Variants in ZNF362 observed in about 807,000 individuals in gnomAD.
The protein encoded by ZNF362 is zinc finger protein 362.
Under a neutral mutation model 42.9 loss-of-function variants are expected in ZNF362, and 11 were observed. The observed-to-expected ratio is 0.26, with a 90% CI of 0.16 to 0.42. ZNF362 has a LOEUF of 0.42. Among genes scored for constraint, ZNF362 ranks in the 20% least tolerant of loss-of-function variants. ZNF362 has a pLI of 1.00. For missense variants in ZNF362, 362 were observed against 576.2 expected, an observed-to-expected ratio of 0.63 and a Z score of 3.81; for synonymous variants, 255 against 257.3, an observed-to-expected ratio of 0.99 and a Z score of 0.09.
At chr1:33,291,659 A>G (rs1385504102) in intron 6 of ZNF362, among the ~76,000 whole-genome samples, 2 of 152,192 alleles carry the variant, frequency 1.3e-5, no homozygotes, top group African/African-American at 2.4e-5. Context: ...CTTGGGCAGT[A>G]TGGCCATTTT....
chr1:33,178,105 T>C, the ZNF362 span, among the ~76,000 whole-genome samples: 1 of 152,160 alleles, frequency 6.6e-6, no homozygotes, highest in African/African-American at 2.4e-5. Flanking sequence ...CAGCTGAGTA[T>C]AGGCCCAGCT....
At chr1:33,159,874 C>T in the ZNF362 span, 15 of 1,612,216 alleles carry the variant, frequency 9.3e-6, no homozygotes, top group Middle Eastern at 1.6e-4. This position sits in a 1 kb window ranked among gnomAD's most constrained non-coding sequence, Gnocchi z 4.2. Context: ...GGCCTTCTGG[C>T]GTTCACGCAG....
At chr1:33,149,463 A>C in the ZNF362 span, among the ~76,000 whole-genome samples, 1 of 150,896 alleles carries the variant, frequency 6.6e-6, no homozygotes, top group Non-Finnish European at 1.5e-5. Flanking sequence ...TCTTTTAAAA[A>C]AAAAAAATAC....
chr1:33,289,126 G>A lies in ZNF362; in HGVS notation c.909-5811G>A, dbSNP rs151285764. ...GAGGGAAGTAGGAGGTGGAGGTTGC[G>A]GGGGATCATCTGGGTTGAGTACAGA... On this transcript the variant is annotated intron_variant, in intron 6 of 8. Transcript: ENST00000539719. Among the ~76,000 whole-genome samples the A allele has an allele frequency of 5.3e-3, 809 of 152,216 alleles. 11 individuals carry two copies. The highest frequency in any genetic ancestry group is 0.016 in the South Asian group (79 of 4,826).
chr1:33,267,460 A>G (rs1645872413), intron 1 of ZNF362, among the ~76,000 whole-genome samples: 1 of 151,970 alleles, frequency 6.6e-6, no homozygotes, highest in African/African-American at 2.4e-5. Flanking sequence ...AAATCTTCCC[A>G]TTTCCCCCCT....
intron 1 of ZNF362, among the ~76,000 whole-genome samples, chr1:33,269,267 A>G (rs1200298225): frequency 6.6e-6 from 1 of 152,176 alleles, no homozygotes; most frequent in Admixed American, 6.5e-5. Flanking sequence ...TCATTTTTTA[A>G]GAATAAATTT....
At chr1:33,152,274 A>G in the ZNF362 span, among the ~76,000 whole-genome samples, 1 of 152,204 alleles carries the variant, frequency 6.6e-6, no homozygotes, top group African/African-American at 2.4e-5. Context: ...CTGTTCAGCA[A>G]GACTGGGGAG....
chr1:33,244,346 G>A, the ZNF362 span, among the ~76,000 whole-genome samples: 4 of 152,082 alleles, frequency 2.6e-5, no homozygotes, highest in African/African-American at 9.7e-5. The surrounding 1 kb of genome is among the most constrained non-coding windows in gnomAD (Gnocchi z 4.0). Flanking sequence ...GTGTTATCAC[G>A]TCATCTCTTC....
chr1:33,189,722 T>TATATATATATATATATAC, the ZNF362 span, among the ~76,000 whole-genome samples: 12 of 102,940 alleles, frequency 1.2e-4, no homozygotes, highest in African/African-American at 4.8e-4. Flanking sequence ...TATATATACA[T>TATATATATATATATATAC]ACACACATAC....
At chr1:33,275,597 G>A (rs922936309) in intron 2 of ZNF362, among the ~76,000 whole-genome samples, 14 of 152,190 alleles carry the variant, frequency 9.2e-5, no homozygotes, top group Non-Finnish European at 2.1e-4. Context: ...GGCTATATCT[G>A]GTGACCTCAT....
the ZNF362 span, among the ~76,000 whole-genome samples, chr1:33,224,769 G>A: frequency 1.3e-5 from 2 of 152,276 alleles, no homozygotes; most frequent in African/African-American, 4.8e-5. Context: ...TTCCAAAACT[G>A]AAGAAAGATA....
At chr1:33,238,353 TAA>T in the ZNF362 span, among the ~76,000 whole-genome samples, 10 of 99,590 alleles carry the variant, frequency 1.0e-4, no homozygotes, top group South Asian at 7.1e-4. Flanking sequence ...TAAAATAAAA[TAA>T]AATAAAATAA....
the ZNF362 span, among the ~76,000 whole-genome samples, chr1:33,130,356 T>G: frequency 1.8e-4 from 28 of 152,358 alleles, no homozygotes; most frequent in African/African-American, 6.0e-4. Flanking sequence ...ATTTCTGAGA[T>G]TCGATTACAA....
chr1:33,245,451 C>A, the ZNF362 span, among the ~76,000 whole-genome samples: 1 of 151,576 alleles, frequency 6.6e-6, no homozygotes, highest in Non-Finnish European at 1.5e-5. Flanking sequence ...TTAAATGGTG[C>A]CCACCCCCCA....
chr1:33,237,817 G>C, the ZNF362 span, among the ~76,000 whole-genome samples: 46 of 152,190 alleles, frequency 3.0e-4, no homozygotes, highest in Admixed American at 2.9e-3. Context: ...TACTCCGTCA[G>C]CTGCTGAGGA....
chr1:33,218,349 G>A, the ZNF362 span, among the ~76,000 whole-genome samples: 1 of 152,158 alleles, frequency 6.6e-6, no homozygotes, highest in Admixed American at 6.6e-5. Flanking sequence ...ACTGAGGCAG[G>A]AGGATGACTT....
chr1:33,225,536 T>C, the ZNF362 span, among the ~76,000 whole-genome samples: 1 of 152,246 alleles, frequency 6.6e-6, no homozygotes, highest in Non-Finnish European at 1.5e-5. Flanking sequence ...CATCGTTGCT[T>C]GTTTACCCTT....
chr1:33,137,733 ACCCTC>A, the ZNF362 span, among the ~76,000 whole-genome samples: 1 of 151,954 alleles, frequency 6.6e-6, no homozygotes, highest in Non-Finnish European at 1.5e-5. Context: ...GTGGCTCAGC[ACCCTC>A]CTTGGCCCAC....
chr1:33,297,660 T>C (rs1174314606), intron 8 of ZNF362, among the ~76,000 whole-genome samples: 1 of 152,108 alleles, frequency 6.6e-6, no homozygotes, highest in Non-Finnish European at 1.5e-5. Flanking sequence ...TACAGGCATG[T>C]GCCACTATGG....
Sources: gnomAD v4.1 joint callset for allele counts (sites outside exome capture counted in the v4.1 genomes callset) on GRCh38, gnomAD v4.1.1 for gene constraint, Gnocchi (gnomAD v3.1) non-coding constraint, MANE v1.5 for transcripts, NCBI Gene and HGNC (gene_info 2026-07-23, HGNC 2026-07-21) for gene names.